PPM1E: variants seen among roughly 807,000 people sequenced by gnomAD.
PPM1E encodes the protein protein phosphatase 1E.
A neutral mutation model predicts 65.9 loss-of-function variants in PPM1E; 20 were observed. The observed-to-expected ratio is 0.30, with a 90% confidence interval of 0.21 to 0.44. The LOEUF (loss-of-function observed/expected upper bound fraction) is 0.44. PPM1E is among the 20% of genes least tolerant of loss of function. The probability of loss-of-function intolerance (pLI) is 1.00; values close to 1 mark genes in which losing one functional copy is unlikely to be tolerated. For synonymous variants in PPM1E, 352 were observed against 374.9 expected (o/e 0.94, Z 0.70); for missense variants, 713 against 953.1 (o/e 0.75, Z 3.32).
intron 1 of PPM1E, among the ~76,000 whole-genome samples, chr17:58,763,788 G>A (rs908519397): frequency 6.6e-6 from 1 of 151,968 alleles, no homozygotes; most frequent in African/African-American, 2.4e-5. Context: ...TTCCATTATT[G>A]CTACTGAACC....
At chr17:58,804,339 A>G (rs1414453139) in intron 1 of PPM1E, among the ~76,000 whole-genome samples, 1 of 152,182 alleles carries the variant, frequency 6.6e-6, no homozygotes, top group Non-Finnish European at 1.5e-5. Flanking sequence ...ATCATAAGGT[A>G]TTTTTGAACC....
rs181476306 is a variant in PPM1E at position 58,889,460 on chromosome 17, G to A, written c.465-66189G>A. On this transcript the variant is annotated intron_variant, in intron 1 of 6. Coordinates refer to ENST00000308249, the MANE Select transcript of PPM1E (RefSeq NM_014906.5). ...CTAAAAATACAAAAAATAACTGGGC[G>A]TGGTGGCACATGCTTGTAATCCCAG... Among the ~76,000 whole-genome samples, 166 of 152,240 alleles carry A rather than the reference G, an allele frequency of 1.1e-3. 2 individuals are homozygous for A. The East Asian group carries it at 0.028, about 26-fold the overall frequency.
rs1053750963 is a variant in PPM1E at position 58,967,527 on chromosome 17, G to T, written c.783+1634G>T. ...GTGTATATATATATATATAGAGAGA[G>T]AGAGAGAGAGAGAGGGAGGGAGGAC... On this transcript the variant is annotated intron_variant, in intron 3 of 6. Transcript: ENST00000308249. 5.7e-4 allele frequency among the ~76,000 whole-genome samples: 86 copies of T among 151,320 alleles called. No individual in the cohort carries two copies. The South Asian group carries it at 6.5e-3, about 11-fold the overall frequency.
intron 1 of PPM1E, among the ~76,000 whole-genome samples, chr17:58,834,007 T>C (rs900992798): frequency 1.3e-5 from 2 of 152,210 alleles, no homozygotes; most frequent in African/African-American, 4.8e-5. Context: ...ATGTGGAGCA[T>C]TTTTTCGTGT....
chr17:58,866,237 A>G (rs2051002421), intron 1 of PPM1E, among the ~76,000 whole-genome samples: 1 of 152,210 alleles, frequency 6.6e-6, no homozygotes, highest in African/African-American at 2.4e-5. Flanking sequence ...GAAAGCATGC[A>G]GTTTATAGGA....
chr17:58,897,442 A>C (rs868092659), intron 1 of PPM1E, among the ~76,000 whole-genome samples: 2 of 151,876 alleles, frequency 1.3e-5, no homozygotes, highest in Non-Finnish European at 1.5e-5. Flanking sequence ...AGAAAATGCT[A>C]CTGCCAATTG....
chr17:58,921,428 A>C (rs530060467), intron 1 of PPM1E, among the ~76,000 whole-genome samples: 1 of 152,250 alleles, frequency 6.6e-6, no homozygotes, highest in African/African-American at 2.4e-5. Flanking sequence ...TCATGTCTGT[A>C]GTCCTAGCAC....
chr17:58,925,699 CA>C (rs1324811643), intron 1 of PPM1E, among the ~76,000 whole-genome samples: 1 of 152,034 alleles, frequency 6.6e-6, no homozygotes, highest in African/African-American at 2.4e-5. Context: ...CTCAGCCTCC[CA>C]AAGTACTGGG....
At chr17:58,884,764 C>A (rs902607165) in intron 1 of PPM1E, among the ~76,000 whole-genome samples, 1 of 152,086 alleles carries the variant, frequency 6.6e-6, no homozygotes, top group African/African-American at 2.4e-5. Context: ...GATAATACTT[C>A]CTTTGTAGGG....
rs76498092 is a variant in PPM1E, at chr17:58,907,886, G to T, written c.465-47763G>T. Among the ~76,000 whole-genome samples the T allele has an allele frequency of 1.6e-4, 25 of 151,850 alleles. No individual in the cohort carries two copies. In the East Asian group the frequency reaches 3.3e-3, roughly 20 times the overall value. On this transcript the variant is annotated intron_variant, in intron 1 of 6. Coordinates refer to ENST00000308249, the MANE Select transcript of PPM1E (RefSeq NM_014906.5). ...CTATATGTGTCTTTATATTTAAAGT[G>T]GATTTCTTGTAGACAACATATAGTT...
rs748079843 is a variant in PPM1E at position 58,955,814 on chromosome 17, A to G, written c.583+47A>G. The G allele has an allele frequency of 7.2e-6, 11 of 1,535,592 alleles. No homozygotes were observed. The East Asian group carries it at 1.9e-4, about 26-fold the overall frequency. Reference sequence around the variant, plus strand: ...TTGTTTAAAAATACTAGAATCTTCTATATGTAGTGGTCCACAGAAAATATC... The same window carrying G: ...TTGTTTAAAAATACTAGAATCTTCTGTATGTAGTGGTCCACAGAAAATATC... On this transcript the variant is annotated intron_variant, in intron 2 of 6. Coordinates refer to ENST00000308249, the MANE Select transcript of PPM1E (RefSeq NM_014906.5).
At chr17:58,920,017 T>A (rs2051732835) in intron 1 of PPM1E, among the ~76,000 whole-genome samples, 1 of 152,146 alleles carries the variant, frequency 6.6e-6, no homozygotes, top group Admixed American at 6.5e-5. Flanking sequence ...ATAGTAATGA[T>A]GGTTTAGACT....
At chr17:58,928,352 T>C (rs911418039) in intron 1 of PPM1E, among the ~76,000 whole-genome samples, 1 of 152,038 alleles carries the variant, frequency 6.6e-6, no homozygotes, top group Admixed American at 6.5e-5. Flanking sequence ...TACTTGATAT[T>C]TGAAAGAAAT....
chr17:58,973,901 G>A (rs935701263), intron 6 of PPM1E, among the ~76,000 whole-genome samples: 4 of 144,046 alleles, frequency 2.8e-5, no homozygotes, highest in East Asian at 2.0e-4. Flanking sequence ...GCAGTGAGTC[G>A]AGATCGCGCC....
intron 1 of PPM1E, among the ~76,000 whole-genome samples, chr17:58,830,210 A>T (rs1240069779): frequency 6.6e-6 from 1 of 152,088 alleles, no homozygotes; most frequent in Non-Finnish European, 1.5e-5. Context: ...ACAACAAAAA[A>T]ATTGTTAGAA....
At chr17:58,906,719 T>G (rs1369348118) in intron 1 of PPM1E, among the ~76,000 whole-genome samples, 1 of 152,084 alleles carries the variant, frequency 6.6e-6, no homozygotes, top group Non-Finnish European at 1.5e-5. Context: ...TCTGCTTTCT[T>G]TGGATTTAAT....
intron 2 of PPM1E, among the ~76,000 whole-genome samples, chr17:58,960,921 A>T (rs2036730): frequency 1.3e-5 from 2 of 151,866 alleles, no homozygotes; most frequent in Non-Finnish European, 2.9e-5. Flanking sequence ...AAACAATATA[A>T]TTTTTTCCTG....
chr17:58,760,073 T>C (rs1301582428), intron 1 of PPM1E, among the ~76,000 whole-genome samples: 1 of 152,132 alleles, frequency 6.6e-6, no homozygotes, highest in African/African-American at 2.4e-5. Flanking sequence ...GCTTTCCAGG[T>C]TTTTCTCCTG....
chr17:58,911,030 G>A (rs1188856824), intron 1 of PPM1E, among the ~76,000 whole-genome samples: 1 of 152,088 alleles, frequency 6.6e-6, no homozygotes, highest in Non-Finnish European at 1.5e-5. Context: ...CTCTGACTGG[G>A]TCTTCCTGGA....
Sources: allele counts gnomAD v4.1 joint callset (sites outside exome capture counted in the v4.1 genomes callset), GRCh38; gene constraint gnomAD v4.1.1; transcripts MANE v1.5; gene names NCBI Gene and HGNC (gene_info 2026-07-23, HGNC 2026-07-21).